The following KIAA1328 variants were observed in gnomAD, a reference collection of about 807,000 sequenced individuals.
KIAA1328 encodes protein hinderin.
A neutral mutation model predicts 68.1 loss-of-function variants in KIAA1328; 52 were observed. That is an observed-to-expected ratio of 0.76 (90% CI 0.61 to 0.96). KIAA1328 has a LOEUF of 0.96. Among genes scored for constraint, KIAA1328 ranks in the 40% least tolerant of loss-of-function variants. The pLI is 0.00. For missense variants in KIAA1328, 641 were observed against 677.6 expected, an observed-to-expected ratio of 0.95 and a Z score of 0.60; for synonymous variants, 232 against 239.4, an observed-to-expected ratio of 0.97 and a Z score of 0.28.
chr18:36,878,508 G>A (rs1403534797), intron 4 of KIAA1328, among the ~76,000 whole-genome samples: 3 of 152,036 alleles, frequency 2.0e-5, no homozygotes, highest in Non-Finnish European at 2.9e-5. Context: ...TACTCTTCTC[G>A]AGGAATATCT....
chr18:37,222,133 G>A lies in KIAA1328; in HGVS notation c.1640G>A (p.Ser547Asn). 3.7e-6 allele frequency: 6 copies of A among 1,612,150 alleles called. No homozygotes were observed. In the African/African-American group the frequency reaches 4.0e-5, roughly 11 times the overall value. ...TGGAATCATGGTACTTTCCGACTCA[G>A]TCCTCTAAAATCAACCCGGAAGAAG... The part of the protein sequence containing the change: ...GAWNHGTFRL[S>N]PLKSTRKKMG... The change falls in exon 10 of 10, where the codon AGT becomes AAT. Residue 547 changes from serine (S) to asparagine (N), a missense_variant. By Grantham distance (46) the Ser-to-Asn change is conservative. Coordinates refer to ENST00000280020, the MANE Select transcript of KIAA1328 (RefSeq NM_020776.3).
At chr18:36,886,726 G>A (rs570997611) in intron 5 of KIAA1328, among the ~76,000 whole-genome samples, 3 of 152,118 alleles carry the variant, frequency 2.0e-5, no homozygotes, top group Admixed American at 6.5e-5. Flanking sequence ...GTGTGAATGC[G>A]TGAAACCACC....
intron 7 of KIAA1328, among the ~76,000 whole-genome samples, chr18:37,124,438 G>A (rs1305450598): frequency 1.3e-5 from 2 of 151,426 alleles, no homozygotes; most frequent in East Asian, 1.9e-4. Flanking sequence ...CCAAGCTACC[G>A]CCATTCCCAC....
chr18:36,912,830 A>G (rs761336203), intron 5 of KIAA1328, among the ~76,000 whole-genome samples: 1 of 152,206 alleles, frequency 6.6e-6, no homozygotes, highest in Non-Finnish European at 1.5e-5. Flanking sequence ...GTTCCTATCT[A>G]TCTGTGAAAT....
intron 6 of KIAA1328, among the ~76,000 whole-genome samples, chr18:37,021,903 G>T (rs533787902): frequency 6.6e-6 from 1 of 151,986 alleles, no homozygotes; most frequent in African/African-American, 2.4e-5. Flanking sequence ...AGCTGGACAT[G>T]GTGGCGGGTG....
chr18:37,076,660 C>T (rs1036815776), intron 7 of KIAA1328, among the ~76,000 whole-genome samples: 2 of 151,776 alleles, frequency 1.3e-5, no homozygotes, highest in South Asian at 2.1e-4. Flanking sequence ...ATATCACCAC[C>T]AATCCCACAG....
rs772331033 is a variant in KIAA1328, at chr18:37,160,266, C to G, written c.1299C>G (p.Asp433Glu). ...GTSSSIKKHQ[D>E]PPNSGENRKE... Reference sequence around the variant, plus strand: ...CATCATCTATTAAAAAGCACCAAGACCCCCCAAACAGTGGAGAGAATAGGA... The same window carrying G: ...CATCATCTATTAAAAAGCACCAAGAGCCCCCAAACAGTGGAGAGAATAGGA... Residue 433 changes from aspartate to glutamate, a missense_variant, in exon 8 of 10, where the codon GAC (aspartate) becomes GAG (glutamate). Transcript: ENST00000280020. The G allele has an allele frequency of 1.9e-6, 3 of 1,613,352 alleles. No individual in the cohort carries two copies. In the South Asian group the frequency reaches 3.3e-5, roughly 18 times the overall value.
At chr18:37,215,195 G>C (rs1162833696) in intron 9 of KIAA1328, among the ~76,000 whole-genome samples, 2 of 152,160 alleles carry the variant, frequency 1.3e-5, no homozygotes, top group African/African-American at 2.4e-5. Flanking sequence ...TGTTGAATAG[G>C]AGTGGTGAGA....
At chr18:37,180,537 T>C (rs1163188847) in intron 9 of KIAA1328, among the ~76,000 whole-genome samples, 1 of 152,172 alleles carries the variant, frequency 6.6e-6, no homozygotes, top group East Asian at 1.9e-4. Flanking sequence ...AGAAACTTAG[T>C]TACACAGAGA....
chr18:36,989,401 G>A (rs1247321379), intron 6 of KIAA1328, among the ~76,000 whole-genome samples: 3 of 152,196 alleles, frequency 2.0e-5, no homozygotes, highest in Non-Finnish European at 4.4e-5. Context: ...TAAACTTAGA[G>A]CTGTGGCCTG....
chr18:37,228,358 A>G (rs527293487), downstream of KIAA1328, among the ~76,000 whole-genome samples: 2 of 152,340 alleles, frequency 1.3e-5, no homozygotes, highest in Non-Finnish European at 2.9e-5. Flanking sequence ...GCTATCCAAT[A>G]GCATCACATG....
intron 9 of KIAA1328, among the ~76,000 whole-genome samples, chr18:37,195,073 T>C (rs918942253): frequency 2.0e-5 from 3 of 152,230 alleles, no homozygotes; most frequent in Non-Finnish European, 4.4e-5. Flanking sequence ...GGATATCCAT[T>C]ACCTCAAACA....
intron 6 of KIAA1328, among the ~76,000 whole-genome samples, chr18:37,001,626 A>G (rs1161287217): frequency 6.6e-6 from 1 of 152,176 alleles, no homozygotes; most frequent in Non-Finnish European, 1.5e-5. Context: ...ACAGTATACT[A>G]GCAAACCAAA....
chr18:36,920,124 T>C (rs904297178), intron 5 of KIAA1328, among the ~76,000 whole-genome samples: 2 of 152,224 alleles, frequency 1.3e-5, no homozygotes. Context: ...ATAATTTTTA[T>C]GCCAACGCCA....
chr18:36,985,558 A>G (rs1364275052), intron 6 of KIAA1328, among the ~76,000 whole-genome samples: 1 of 152,210 alleles, frequency 6.6e-6, no homozygotes, highest in Non-Finnish European at 1.5e-5. Context: ...AAATATGCCT[A>G]ACTCATTTTT....
In KIAA1328 at chr18:37,067,455, AG is replaced by A. The variant is rs1322630718; in HGVS notation, c.1144del (p.Glu382SerfsTer16). On this transcript the variant is annotated frameshift_variant, in exon 7 of 10. Coordinates refer to ENST00000280020, the MANE Select transcript of KIAA1328 (RefSeq NM_020776.3). LOFTEE classifies it high-confidence loss of function. ...MLQKMELEIE[K>X]ERLQHLLAQQ... ...CAGAAAATGGAACTGGAAATTGAAA[AG>A]GAGCGCCTTCAGCATCTGCTGGCCC... The A allele has an allele frequency of 1.3e-6, 2 of 1,576,048 alleles. No individual in the cohort carries two copies. Among genetic ancestry groups the A allele is most frequent in the African/African-American group, 2.7e-5 (2 of 74,046 alleles).
At chr18:37,163,076 C>T (rs1392789586) in intron 8 of KIAA1328, among the ~76,000 whole-genome samples, 8 of 152,182 alleles carry the variant, frequency 5.3e-5, no homozygotes. Flanking sequence ...TTTTAAAAGG[C>T]ATAAATCTGG....
chr18:36,928,565 G>A (rs188468368), intron 5 of KIAA1328, among the ~76,000 whole-genome samples: 1 of 152,050 alleles, frequency 6.6e-6, no homozygotes, highest in Non-Finnish European at 1.5e-5. Context: ...GTTGCCATTG[G>A]GGGGGATACA....
intron 7 of KIAA1328, among the ~76,000 whole-genome samples, chr18:37,156,510 C>A (rs1299406681): frequency 6.6e-6 from 1 of 151,268 alleles, no homozygotes; most frequent in East Asian, 1.9e-4. Context: ...TAAAATAAGT[C>A]CTCTGTAAAT....
Sources: gnomAD v4.1 joint callset for allele counts (sites outside exome capture counted in the v4.1 genomes callset) on GRCh38, gnomAD v4.1.1 for gene constraint, MANE v1.5 for transcripts, NCBI Gene and HGNC (gene_info 2026-07-23, HGNC 2026-07-21) for gene names.